Variants in PHF2 observed in about 807,000 individuals in gnomAD.
PHF2 encodes lysine-specific demethylase PHF2.
Under a neutral mutation model 120.5 loss-of-function variants are expected in PHF2, and 27 were observed. That is an observed-to-expected ratio of 0.22 (90% CI 0.17 to 0.31). The LOEUF (loss-of-function observed/expected upper bound fraction) is 0.31. Ranked by LOEUF, PHF2 falls within the 10% of genes least tolerant of loss-of-function variation. The pLI is 1.00. For missense variants in PHF2, 1,024 were observed against 1,434.8 expected (o/e 0.71, Z 4.63); for synonymous variants, 568 against 592.5 (o/e 0.96, Z 0.60).
intron 1 of PHF2, among the ~76,000 whole-genome samples, chr9:93,607,052 C>G (rs189152486): frequency 2.2e-4 from 34 of 152,294 alleles, no homozygotes; most frequent in Admixed American, 2.2e-3. Flanking sequence ...TCCCATTAAT[C>G]TGTCCCATTA....
At chr9:93,673,107 A>G (rs1826840432) in intron 17 of PHF2, among the ~76,000 whole-genome samples, 2 of 151,866 alleles carry the variant, frequency 1.3e-5, no homozygotes, top group Admixed American at 6.6e-5. Context: ...TCAGGGTGAC[A>G]CATGGGAAGG....
intron 1 of PHF2, among the ~76,000 whole-genome samples, chr9:93,586,656 G>T (rs768033013): frequency 1.3e-5 from 2 of 152,276 alleles, no homozygotes; most frequent in Non-Finnish European, 2.9e-5. Context: ...CAGGAATCCA[G>T]CATGAGCTGT....
chr9:93,577,703 T>C (rs1028730288), intron 1 of PHF2, among the ~76,000 whole-genome samples: 1 of 152,042 alleles, frequency 6.6e-6, no homozygotes, highest in East Asian at 2.0e-4. Context: ...CTAAGGAAGA[T>C]GGGGAGGGGG....
intron 1 of PHF2, among the ~76,000 whole-genome samples, chr9:93,579,157 T>C (rs1405324734): frequency 1.3e-5 from 2 of 152,166 alleles, no homozygotes; most frequent in African/African-American, 2.4e-5. Flanking sequence ...TCTTTTCTCA[T>C]CAGTAAAATG....
chr9:93,583,850 C>T (rs1394105791), intron 1 of PHF2, among the ~76,000 whole-genome samples: 10 of 117,668 alleles, frequency 8.5e-5, no homozygotes, highest in Non-Finnish European at 1.4e-4. Context: ...TTTTTTGAGA[C>T]GGAGTTTTGC....
At chr9:93,616,749 G>A (rs1184336422) in intron 1 of PHF2, among the ~76,000 whole-genome samples, 2 of 151,726 alleles carry the variant, frequency 1.3e-5, no homozygotes, top group East Asian at 3.9e-4. Context: ...TCCGCCTCCT[G>A]GGTTCAAGTG....
intron 5 of PHF2, among the ~76,000 whole-genome samples, chr9:93,649,669 C>G (rs915172894): frequency 1.5e-5 from 2 of 134,264 alleles, no homozygotes; most frequent in Non-Finnish European, 3.4e-5. Flanking sequence ...CTCATGACAC[C>G]CACTCGTGGA....
At chr9:93,628,080 G>A (rs938151612) in intron 1 of PHF2, among the ~76,000 whole-genome samples, 6 of 152,180 alleles carry the variant, frequency 3.9e-5, no homozygotes, top group Non-Finnish European at 7.3e-5. Context: ...GTACTGAACC[G>A]TCCTTGCATT....
intron 2 of PHF2, among the ~76,000 whole-genome samples, chr9:93,632,181 C>T (rs1219910196): frequency 6.6e-6 from 1 of 152,230 alleles, no homozygotes. Flanking sequence ...GGTGTCCCAA[C>T]CTGCCCTTGA....
intron 10 of PHF2, among the ~76,000 whole-genome samples, 177 bp from the exon 11 acceptor site, chr9:93,659,334 C>T (rs1420088067): frequency 6.6e-6 from 1 of 152,228 alleles, no homozygotes; most frequent in Middle Eastern, 3.2e-3. Flanking sequence ...GTTTGTCCAC[C>T]TATTGATGGG....
intron 1 of PHF2, among the ~76,000 whole-genome samples, chr9:93,595,554 CT>C (rs1337800657): frequency 6.6e-6 from 1 of 152,250 alleles, no homozygotes; most frequent in African/African-American, 2.4e-5. Flanking sequence ...TGGCCCAAAG[CT>C]GTGTCTGGAA....
Position 93,618,828 on chromosome 9 carries a change from T to C in PHF2, c.99-11142T>C, listed in dbSNP as rs1175314626. On this transcript the variant is annotated intron_variant, in intron 1 of 21. Transcript: ENST00000359246. ...TGTATGAGGGTGTCTGCATGTGTGA[T>C]GTGTGTGGTGTGTGTGTGTGCCTGT... Among the ~76,000 whole-genome samples the C allele has an allele frequency of 1.8e-4, 25 of 142,342 alleles. 1 individual carries two copies. In the East Asian group the frequency reaches 3.7e-3, roughly 21 times the overall value. The allele number at this position is 142,342 out of a possible 152,430, so 93.4% of individuals were successfully genotyped here. A position where few individuals can be genotyped will look rare whatever the true frequency, so the allele number is the denominator to read the frequency against.
chr9:93,645,338 T>C (rs1451313940), intron 3 of PHF2, among the ~76,000 whole-genome samples: 3 of 152,246 alleles, frequency 2.0e-5, no homozygotes, highest in Non-Finnish European at 4.4e-5. Context: ...CTCCTGCCTC[T>C]CTGTCTTGTT....
At chr9:93,664,856 G>A (rs900124055) in intron 14 of PHF2, among the ~76,000 whole-genome samples, 6 of 152,268 alleles carry the variant, frequency 3.9e-5, no homozygotes, top group East Asian at 3.8e-4. Context: ...GGCCCAGCCC[G>A]TAAGGCAGCG....
At chr9:93,672,881 G>A in intron 17 of PHF2, 1 of 944,260 alleles carries the variant, frequency 1.1e-6, no homozygotes, top group Non-Finnish European at 1.3e-6. Flanking sequence ...TGTAGATGCA[G>A]GTGTGGTTGG....
chr9:93,596,212 CCT>C (rs1825329623), intron 1 of PHF2, among the ~76,000 whole-genome samples: 2 of 152,014 alleles, frequency 1.3e-5, no homozygotes, highest in Admixed American at 6.6e-5. Context: ...AGGAGGTTTC[CCT>C]GTTTCTATTG....
chr9:93,676,876 C>T lies in PHF2; in HGVS notation c.3115C>T (p.Arg1039Cys), dbSNP rs375390580. ...CACCTTCACCGGGGCCCAGGCTGGC[C>T]GCACCTCCCAGCCCATGGCCCCTGG... is the stretch of plus-strand genomic sequence containing the variant. ...AGTFTGAQAG[R>C]TSQPMAPGVF... The change falls in exon 21 of 22, where the codon CGC becomes TGC. Residue 1039 changes from arginine (R) to cysteine (C), a missense_variant. Physicochemically the swap from Arg to Cys is radical, Grantham distance 180 (BLOSUM62 -3). Transcript: ENST00000359246. 22 of 1,574,678 alleles carry T rather than the reference C, an allele frequency of 1.4e-5. No individual in the cohort carries two copies. The highest frequency in any genetic ancestry group is 6.9e-5 in the East Asian group (3 of 43,202).
intron 1 of PHF2, among the ~76,000 whole-genome samples, chr9:93,610,295 TC>T (rs1825613574): frequency 6.6e-6 from 1 of 152,224 alleles, no homozygotes; most frequent in Non-Finnish European, 1.5e-5. Context: ...TCATTTTTGT[TC>T]CTTTTTGTCT....
chr9:93,636,351 T>C, intron 2 of PHF2, 60 bp from the exon 3 acceptor site: 1 of 1,350,034 alleles, frequency 7.4e-7, no homozygotes, highest in Non-Finnish European at 1.0e-6. Flanking sequence ...TTAGGGGAAG[T>C]TGTGGAGCCC....
Sources: allele counts gnomAD v4.1 joint callset (sites outside exome capture counted in the v4.1 genomes callset), GRCh38; gene constraint gnomAD v4.1.1; transcripts MANE v1.5; gene names NCBI Gene and HGNC (gene_info 2026-07-23, HGNC 2026-07-21).